Variants in UBE3D observed in about 807,000 individuals in gnomAD.
UBE3D encodes the protein ubiquitin protein ligase E3D.
UBE3D carries 48 observed loss-of-function variants against 49.6 expected under a neutral mutation model. The observed-to-expected ratio is 0.97, with a 90% CI of 0.77 to 1.23. UBE3D has a LOEUF of 1.23. Among genes scored for constraint, UBE3D ranks in the 50% most tolerant of loss-of-function variants. The probability of loss-of-function intolerance (pLI) is 0.00; values close to 1 mark genes in which losing one functional copy is unlikely to be tolerated. For missense variants in UBE3D, 452 were observed against 468.4 expected (o/e 0.96, Z 0.32); for synonymous variants, 189 against 174.2 (o/e 1.08, Z -0.67).
At chr6:82,961,760 G>A (rs1291893505) in intron 8 of UBE3D, among the ~76,000 whole-genome samples, 1 of 151,868 alleles carries the variant, frequency 6.6e-6, no homozygotes, top group Non-Finnish European at 1.5e-5. Context: ...TCGGGAGTTC[G>A]AGACCAGCCT....
At chr6:82,885,632 A>G in the UBE3D span, among the ~76,000 whole-genome samples, 1 of 152,170 alleles carries the variant, frequency 6.6e-6, no homozygotes, top group Non-Finnish European at 1.5e-5. Context: ...TACCGCATCT[A>G]CATTTTAGAG....
At chr6:82,993,109 C>CGG (rs1779004337) in intron 8 of UBE3D, among the ~76,000 whole-genome samples, 1 of 149,460 alleles carries the variant, frequency 6.7e-6, no homozygotes, top group Admixed American at 6.7e-5. Context: ...GAGAAAGAAA[C>CGG]GGGGTCGGGG....
In UBE3D at chr6:83,049,961, T is replaced by C. The variant is rs542880072; in HGVS notation, c.365+4187A>G. 5.9e-5 allele frequency among the ~76,000 whole-genome samples: 9 copies of C among 152,304 alleles called. No homozygotes were observed. In the South Asian group the frequency reaches 1.9e-3, roughly 32 times the overall value. On this transcript the variant is annotated intron_variant, in intron 3 of 9. Transcript: ENST00000369747. ...GGGCCCATTAATCTTAACAAGAGCA[T>C]AATAAAAAATTACATACATTCACAC...
At chr6:82,985,091 A>G (rs1215671776) in intron 8 of UBE3D, among the ~76,000 whole-genome samples, 1 of 124,196 alleles carries the variant, frequency 8.1e-6, no homozygotes, top group Non-Finnish European at 1.6e-5. Flanking sequence ...GCCTCAAGTG[A>G]TCCTCCCACC....
At chr6:82,985,456 A>G (rs1164833724) in intron 8 of UBE3D, among the ~76,000 whole-genome samples, 2 of 151,982 alleles carry the variant, frequency 1.3e-5, no homozygotes, top group Non-Finnish European at 2.9e-5. Context: ...TCTGCCTCCC[A>G]GGTTCAAGCG....
chr6:82,973,175 T>C (rs1284846291), intron 8 of UBE3D, among the ~76,000 whole-genome samples: 2 of 152,170 alleles, frequency 1.3e-5, no homozygotes, highest in South Asian at 4.1e-4. Flanking sequence ...CCCAAGTTAT[T>C]TGGCATAGAG....
intron 8 of UBE3D, among the ~76,000 whole-genome samples, chr6:83,016,356 TG>T (rs1390241635): frequency 2.0e-5 from 3 of 151,966 alleles, no homozygotes; most frequent in Admixed American, 2.0e-4. Flanking sequence ...GAATCAGGAG[TG>T]TCAAATGTAT....
chr6:82,911,213 A>AAAAC (rs1554183162), intron 9 of UBE3D, among the ~76,000 whole-genome samples: 22 of 150,144 alleles, frequency 1.5e-4, no homozygotes, highest in Non-Finnish European at 2.1e-4. Context: ...AAAAAAAAAA[A>AAAAC]AAAAAAAAAA....
intron 9 of UBE3D, among the ~76,000 whole-genome samples, chr6:82,948,435 T>A (rs1187176784): frequency 1.3e-5 from 2 of 151,676 alleles, no homozygotes; most frequent in Non-Finnish European, 2.9e-5. Flanking sequence ...TACCAAACAT[T>A]TAAAGAAGAA....
At chr6:82,926,271 C>T (rs893136599) in intron 9 of UBE3D, among the ~76,000 whole-genome samples, 6 of 152,036 alleles carry the variant, frequency 3.9e-5, no homozygotes, top group Admixed American at 2.0e-4. Flanking sequence ...ATTTAAGTTT[C>T]CTCTGTGTCT....
rs374056028 is a variant in UBE3D, at chr6:83,008,343, C to T, written c.1010+10630G>A. On this transcript the variant is annotated intron_variant, in intron 8 of 9. Coordinates refer to ENST00000369747, the MANE Select transcript of UBE3D (RefSeq NM_198920.3). ...TAAACTACAGAAGTTAATATAGAGT[C>T]TAAAGCCAAAAAGTTAATATTTAGC... is the stretch of plus-strand genomic sequence containing the variant. Among the ~76,000 whole-genome samples, 10 of 152,120 alleles carry T rather than the reference C, an allele frequency of 6.6e-5. 1 individual carries two copies. The East Asian group carries it at 1.5e-3, about 24-fold the overall frequency.
intron 9 of UBE3D, among the ~76,000 whole-genome samples, chr6:82,921,707 T>C (rs1346062917): frequency 6.6e-6 from 1 of 152,140 alleles, no homozygotes; most frequent in Non-Finnish European, 1.5e-5. Context: ...TTTCACACTA[T>C]TTATGGGGCC....
intron 8 of UBE3D, among the ~76,000 whole-genome samples, chr6:82,988,512 C>G (rs1778678370): frequency 6.6e-6 from 1 of 152,030 alleles, no homozygotes. Context: ...GAAGACAAAT[C>G]TCTTAAACAA....
intron 9 of UBE3D, among the ~76,000 whole-genome samples, chr6:82,936,775 C>T (rs1480036117): frequency 6.6e-6 from 1 of 152,134 alleles, no homozygotes; most frequent in Non-Finnish European, 1.5e-5. Context: ...CTCCAAACCC[C>T]AAAGAAGCAA....
intron 9 of UBE3D, among the ~76,000 whole-genome samples, chr6:82,922,193 T>C (rs558370690): frequency 6.6e-6 from 1 of 152,262 alleles, no homozygotes; most frequent in African/African-American, 2.4e-5. Flanking sequence ...ACAGAAATTA[T>C]TGAAACTTAT....
chr6:82,890,391 T>C (rs1031838544), downstream of UBE3D, among the ~76,000 whole-genome samples: 2 of 152,128 alleles, frequency 1.3e-5, no homozygotes, highest in Non-Finnish European at 2.9e-5. Context: ...AGTGACTAGA[T>C]GTAAATAACT....
the UBE3D span, among the ~76,000 whole-genome samples, chr6:82,881,886 CAAAT>C: frequency 1.3e-5 from 2 of 152,164 alleles, no homozygotes; most frequent in South Asian, 2.1e-4. Flanking sequence ...AATGTTCCCA[CAAAT>C]AAATTAATTA....
At chr6:83,039,047 G>A (rs1782464535) in intron 4 of UBE3D, among the ~76,000 whole-genome samples, 1 of 152,186 alleles carries the variant, frequency 6.6e-6, no homozygotes, top group African/African-American at 2.4e-5. Context: ...AGTGCTCTGG[G>A]ACAATTCCTG....
intron 9 of UBE3D, among the ~76,000 whole-genome samples, chr6:82,926,643 G>C (rs1773770384): frequency 1.3e-5 from 2 of 152,056 alleles, no homozygotes; most frequent in South Asian, 4.1e-4. Flanking sequence ...GTGTGTGGTA[G>C]TTTCTCACTG....
Sources: allele counts gnomAD v4.1 joint callset (sites outside exome capture counted in the v4.1 genomes callset), GRCh38; gene constraint gnomAD v4.1.1; transcripts MANE v1.5; gene names NCBI Gene and HGNC (gene_info 2026-07-23, HGNC 2026-07-21).